Variants in NDUFB6 observed in about 807,000 individuals in gnomAD.
NDUFB6 encodes the protein NADH:ubiquinone oxidoreductase subunit B6.
Under a neutral mutation model 17.5 loss-of-function variants are expected in NDUFB6, and 23 were observed. That is an observed-to-expected ratio of 1.31 (90% CI 0.94 to 1.86). NDUFB6 has a LOEUF of 1.86. NDUFB6 is among the 40% of genes most tolerant of loss of function. The probability of loss-of-function intolerance (pLI) is 0.00; values close to 1 mark genes in which losing one functional copy is unlikely to be tolerated. For missense variants in NDUFB6, 167 were observed against 153.8 expected (o/e 1.09, Z -0.46); for synonymous variants, 60 against 53.5 (o/e 1.12, Z -0.53).
At chr9:32,566,956 A>T in intron 2 of NDUFB6, 1 of 522,150 alleles carries the variant, frequency 1.9e-6, no homozygotes, top group Non-Finnish European at 3.7e-6. Context: ...GAGCAGCACC[A>T]GCTCGGCATC....
At chr9:32,566,640 CAGG>C in intron 2 of NDUFB6, 1 of 794,804 alleles carries the variant, frequency 1.3e-6, no homozygotes, top group Non-Finnish European at 2.3e-6. Flanking sequence ...CATGGAGGAG[CAGG>C]AGCTCACCTC....
At chr9:32,560,780 G>A (rs1469208628) in intron 2 of NDUFB6, among the ~76,000 whole-genome samples, 1 of 152,046 alleles carries the variant, frequency 6.6e-6, no homozygotes, top group African/African-American at 2.4e-5. Context: ...TTAATCCAAA[G>A]ATAGTAAAAA....
chr9:32,565,017 G>T (rs58743246), intron 2 of NDUFB6, among the ~76,000 whole-genome samples: 95 of 152,280 alleles, frequency 6.2e-4, no homozygotes, highest in African/African-American at 2.3e-3. Flanking sequence ...AGCAGGCCAG[G>T]TGCGGTGGCT....
chr9:32,566,840 A>G (rs1454342389), intron 2 of NDUFB6: 2 of 867,706 alleles, frequency 2.3e-6, no homozygotes, highest in Non-Finnish European at 1.9e-6. Context: ...TGCTCATCAC[A>G]CAGTAGCTGC....
At chr9:32,559,213 C>T (rs969461534) in intron 2 of NDUFB6, among the ~76,000 whole-genome samples, 1 of 152,128 alleles carries the variant, frequency 6.6e-6, no homozygotes, top group African/African-American at 2.4e-5. Context: ...CACTCTTATT[C>T]CCCCAGTTAT....
At chr9:32,571,185 T>A (rs2119038802) in intron 1 of NDUFB6, 133 bp from the exon 2 acceptor site, 1 of 634,108 alleles carries the variant, frequency 1.6e-6, no homozygotes, top group Non-Finnish European at 2.7e-6. Context: ...TTTCTTATAG[T>A]CTGTAGGTAA....
intron 2 of NDUFB6, chr9:32,566,391 G>T: frequency 9.7e-7 from 1 of 1,028,062 alleles, no homozygotes; most frequent in East Asian, 2.4e-5. Context: ...TGTGATCCAG[G>T]TTCCAGGTCC....
At chr9:32,567,554 AC>A in intron 2 of NDUFB6, 1 of 405,048 alleles carries the variant, frequency 2.5e-6, no homozygotes, top group Non-Finnish European at 5.1e-6. Flanking sequence ...TGAACTCCTC[AC>A]CTCAGCTGAT....
At position 32,563,875 on chromosome 9, in the gene NDUFB6, T is replaced by C. The variant is rs886827450; in HGVS notation, c.274-4921A>G. ...TGCCCAGGCAGGAGTCCTTGCAAGCTGACTCTGTGTCCTTTGAAATATGTT... is the reference window on the plus strand; with the variant it reads ...TGCCCAGGCAGGAGTCCTTGCAAGCCGACTCTGTGTCCTTTGAAATATGTT... On this transcript the variant is annotated intron_variant, in intron 2 of 3. Coordinates refer to ENST00000379847, the MANE Select transcript of NDUFB6 (RefSeq NM_002493.5). 3.9e-5 allele frequency among the ~76,000 whole-genome samples: 6 copies of C among 152,246 alleles called. No homozygotes were observed. In the East Asian group the frequency reaches 1.2e-3, roughly 29 times the overall value.
At chr9:32,561,130 T>TA (rs1435859637) in intron 2 of NDUFB6, among the ~76,000 whole-genome samples, 1 of 152,308 alleles carries the variant, frequency 6.6e-6, no homozygotes, top group East Asian at 1.9e-4. Flanking sequence ...CTCTCACCCT[T>TA]AGATATACAA....
In NDUFB6 at chr9:32,563,810, T is replaced by C. The variant is rs1821699385; in HGVS notation, c.274-4856A>G. 2.0e-5 allele frequency among the ~76,000 whole-genome samples: 3 copies of C among 152,244 alleles called. No individual in the cohort carries two copies. In the South Asian group the frequency reaches 6.2e-4, roughly 31 times the overall value. On this transcript the variant is annotated intron_variant, in intron 2 of 3. Coordinates refer to ENST00000379847, the MANE Select transcript of NDUFB6 (RefSeq NM_002493.5). ...TGGATTTTCATTTTATTCAGGTGAC[T>C]ATCATCTATTACTATCATTATTTAC... is the stretch of plus-strand genomic sequence containing the variant.
At chr9:32,570,883 C>A in intron 2 of NDUFB6, 77 bp downstream of exon 2, 1 of 917,328 alleles carries the variant, frequency 1.1e-6, no homozygotes. Flanking sequence ...ATTATTTCCA[C>A]TAAGTAGGGT....
At chr9:32,556,291 A>C (rs1821451943) in intron 3 of NDUFB6, among the ~76,000 whole-genome samples, 1 of 152,214 alleles carries the variant, frequency 6.6e-6, no homozygotes, top group African/African-American at 2.4e-5. Context: ...AGTTTTAGCT[A>C]ACAGAATTTG....
intron 2 of NDUFB6, among the ~76,000 whole-genome samples, chr9:32,560,354 C>A (rs1821591640): frequency 6.6e-6 from 1 of 152,178 alleles, no homozygotes; most frequent in African/African-American, 2.4e-5. Context: ...AACCTAGTGA[C>A]TGCAGTTTGT....
chr9:32,560,117 A>C (rs1821585394), intron 2 of NDUFB6, among the ~76,000 whole-genome samples: 1 of 152,264 alleles, frequency 6.6e-6, no homozygotes, highest in African/African-American at 2.4e-5. Flanking sequence ...GAGATGCAGA[A>C]TTCAATTAGG....
At chr9:32,567,992 G>C (rs570588996) in intron 2 of NDUFB6, 1 of 167,384 alleles carries the variant, frequency 6.0e-6, no homozygotes, top group Non-Finnish European at 1.5e-5. Context: ...GGAGGTTGCA[G>C]TGAGTCGAGA....
intron 3 of NDUFB6, among the ~76,000 whole-genome samples, chr9:32,557,878 G>C (rs1419940868): frequency 6.6e-6 from 1 of 152,138 alleles, no homozygotes; most frequent in East Asian, 1.9e-4. Flanking sequence ...AATCATTACT[G>C]TGACTAAGTC....
chr9:32,553,850 A>C lies in NDUFB6; in HGVS notation c.*26T>G. ...AATATAGGAACAAACTTAGGCTCAT[A>C]AGCCTTTTAACTTTTTACATAATCT... On this transcript the variant is annotated 3_prime_UTR_variant, in exon 4 of 4. Transcript: ENST00000379847. 6.9e-7 allele frequency: 1 copy of C among 1,457,622 alleles called. No individual in the cohort carries two copies. Among genetic ancestry groups the C allele is most frequent in the African/African-American group, 1.4e-5 (1 of 71,168 alleles). 90.3% of individuals were successfully genotyped at this position (1,457,622 alleles called of 1,614,324 possible).
At chr9:32,568,750 T>TAG (rs1202189484) in intron 2 of NDUFB6, 1 of 71,444 alleles carries the variant, frequency 1.4e-5, no homozygotes, top group Non-Finnish European at 2.6e-5. Flanking sequence ...ATATATATAT[T>TAG]TTTTTTTTTT....
Sources: allele counts gnomAD v4.1 joint callset (sites outside exome capture counted in the v4.1 genomes callset), GRCh38; gene constraint gnomAD v4.1.1; transcripts MANE v1.5; gene names NCBI Gene and HGNC (gene_info 2026-07-23, HGNC 2026-07-21).